The following NAV2 variants were observed in gnomAD, a reference collection of about 807,000 sequenced individuals.
NAV2 encodes the protein neuron navigator 2, also known as helicase, APC down-regulated 1.
A neutral mutation model predicts 223.2 loss-of-function variants in NAV2; 54 were observed. The ratio of observed to expected loss-of-function variants is 0.24; its 90% CI spans 0.19 to 0.30. NAV2 has a LOEUF of 0.30. NAV2 is among the 10% of genes least tolerant of loss of function. The probability of loss-of-function intolerance (pLI) is 1.00; values close to 1 mark genes in which losing one functional copy is unlikely to be tolerated. For missense variants in NAV2, 2,806 were observed against 3,147.5 expected, an observed-to-expected ratio of 0.89 and a Z score of 2.60; for synonymous variants, 1,279 against 1,239.3, an observed-to-expected ratio of 1.03 and a Z score of -0.67.
At chr11:19,960,589 T>TTTTATTTA (rs5790101) in intron 10 of NAV2, among the ~76,000 whole-genome samples, 13,369 of 141,558 alleles carry the variant, frequency 0.094, 745 homozygotes, top group African/African-American at 0.13. Context: ...TTTTTTAAAA[T>TTTTATTTA]TTTATTTATT....
At chr11:19,604,362 G>C (rs2046428483) in intron 1 of NAV2, among the ~76,000 whole-genome samples, 1 of 152,060 alleles carries the variant, frequency 6.6e-6, no homozygotes, top group African/African-American at 2.4e-5. Flanking sequence ...TCAAATTAGA[G>C]TTGATAGGAT....
intron 1 of NAV2, among the ~76,000 whole-genome samples, chr11:19,816,657 G>A (rs763840970): frequency 6.6e-6 from 1 of 152,198 alleles, no homozygotes; most frequent in South Asian, 2.1e-4. Flanking sequence ...ATTCAGGGAA[G>A]TTTATGGCTA....
chr11:20,097,298 G>A (rs541666642), intron 30 of NAV2, among the ~76,000 whole-genome samples: 3 of 152,232 alleles, frequency 2.0e-5, no homozygotes, highest in South Asian at 2.1e-4. Flanking sequence ...TAGCTTTTCC[G>A]TGCTTGGTTC....
intron 30 of NAV2, 80 bp downstream of exon 30, chr11:20,095,847 T>C (rs2061225369): frequency 1.9e-6 from 2 of 1,044,226 alleles, no homozygotes; most frequent in African/African-American, 1.6e-5. Context: ...GAGGTTGATG[T>C]CCTGAGCTTG....
chr11:19,897,752 A>G (rs1161649745), intron 6 of NAV2, among the ~76,000 whole-genome samples: 2 of 151,938 alleles, frequency 1.3e-5, no homozygotes, highest in Non-Finnish European at 2.9e-5. Context: ...TTTGGAGGAA[A>G]GTCTGCAGAA....
At chr11:19,654,169 G>C (rs1034649762) in intron 1 of NAV2, among the ~76,000 whole-genome samples, 1 of 152,110 alleles carries the variant, frequency 6.6e-6, no homozygotes. Context: ...AAATACCTAG[G>C]AATCCAACTT....
intron 4 of NAV2, among the ~76,000 whole-genome samples, chr11:19,873,126 G>A (rs1354198561): frequency 6.6e-6 from 1 of 152,204 alleles, no homozygotes; most frequent in South Asian, 2.1e-4. Context: ...GGAGGTTGGG[G>A]AGTAAGGCAT....
intron 6 of NAV2, among the ~76,000 whole-genome samples, chr11:19,916,675 G>C (rs2043835479): frequency 6.6e-6 from 1 of 152,244 alleles, no homozygotes; most frequent in African/African-American, 2.4e-5. Flanking sequence ...TCTGGAGCAA[G>C]GGATAGCAGA....
intron 1 of NAV2, among the ~76,000 whole-genome samples, chr11:19,729,321 T>G (rs2051531747): frequency 6.6e-6 from 1 of 152,116 alleles, no homozygotes; most frequent in Non-Finnish European, 1.5e-5. Context: ...TTTGGTCTGA[T>G]GAACAGACGG....
chr11:19,628,516 C>G (rs143151392), intron 1 of NAV2, among the ~76,000 whole-genome samples: 1 of 152,280 alleles, frequency 6.6e-6, no homozygotes, highest in Non-Finnish European at 1.5e-5. Flanking sequence ...GATATATATT[C>G]GAAAGCCTCT....
In NAV2 at chr11:19,527,675, A is replaced by C. The variant is rs916603175; in HGVS notation, c.75+176648A>C. On this transcript the variant is annotated intron_variant, in intron 1 of 37. Transcript: ENST00000360655. ...CATCCAGCACTCTCTTGAATTTATC[A>C]GATGCCAATCATGAACTTCTGCAGC... Among the ~76,000 whole-genome samples, 8 of 145,806 alleles carry C rather than the reference A, an allele frequency of 5.5e-5. No homozygotes were observed. In the East Asian group the frequency reaches 1.6e-3, roughly 29 times the overall value.
intron 1 of NAV2, among the ~76,000 whole-genome samples, chr11:19,478,941 G>T (rs2042201233): frequency 6.6e-6 from 1 of 152,200 alleles, no homozygotes; most frequent in Admixed American, 6.5e-5. Context: ...ACACGAGACA[G>T]GTGCACATTT....
intron 10 of NAV2, among the ~76,000 whole-genome samples, chr11:19,976,288 C>T (rs1210432611): frequency 6.6e-6 from 1 of 152,116 alleles, no homozygotes; most frequent in Non-Finnish European, 1.5e-5. Context: ...GAAACTACTG[C>T]TCCATGGCCC....
At chr11:19,667,964 T>C (rs2048462543) in intron 1 of NAV2, among the ~76,000 whole-genome samples, 1 of 152,214 alleles carries the variant, frequency 6.6e-6, no homozygotes. Flanking sequence ...CCACTGCCCT[T>C]ATACTTCTAA....
At chr11:19,775,318 A>G (rs559794779) in intron 1 of NAV2, among the ~76,000 whole-genome samples, 1 of 152,296 alleles carries the variant, frequency 6.6e-6, no homozygotes, top group African/African-American at 2.4e-5. Context: ...TTCTTCAGAA[A>G]TGTGTGTAGA....
intron 1 of NAV2, among the ~76,000 whole-genome samples, chr11:19,478,755 C>G (rs893985605): frequency 2.6e-5 from 4 of 152,208 alleles, no homozygotes; most frequent in Admixed American, 1.3e-4. Context: ...TCCACTTTCT[C>G]CTGGCTTCCA....
intron 11 of NAV2, among the ~76,000 whole-genome samples, chr11:20,026,441 G>A (rs949840460): frequency 3.9e-5 from 6 of 152,026 alleles, no homozygotes; most frequent in African/African-American, 1.5e-4. Flanking sequence ...CTCCCGAGTA[G>A]CTAGGACTAC....
At position 19,914,791 on chromosome 11, in the gene NAV2, G is replaced by A. The variant is rs1410162017; in HGVS notation, c.932-18385G>A. ...GATCTCCTGACCTCATGATCCACCC[G>A]CCTCGGCCTCCCAAAGTGCTGGGAT... On this transcript the variant is annotated intron_variant, in intron 6 of 37. Transcript: ENST00000349880. Among the ~76,000 whole-genome samples the A allele has an allele frequency of 3.9e-5, 6 of 151,974 alleles. No individual in the cohort carries two copies. The East Asian group carries it at 7.7e-4, about 20-fold the overall frequency.
Position 19,945,205 on chromosome 11 carries a change from T to TTCCCTTCCCTTCC in NAV2, c.2147-1196_2147-1195insTCCCTTCCCTTCC, listed in dbSNP as rs1565615394. 1.5e-3 allele frequency among the ~76,000 whole-genome samples: 61 copies of TTCCCTTCCCTTCC among 40,350 alleles called. 1 individual carries two copies. The highest frequency in any genetic ancestry group is 2.2e-3 in the Non-Finnish European group (42 of 18,716). The allele number at this position is 40,350 out of a possible 152,430, so 26.5% of individuals were successfully genotyped here. A position where few individuals can be genotyped will look rare whatever the true frequency, so the allele number is the denominator to read the frequency against. On this transcript the variant is annotated intron_variant, in intron 8 of 37. Coordinates refer to ENST00000349880, the MANE Select transcript of NAV2 (RefSeq NM_145117.5). The stretch of plus-strand genomic sequence containing the variant: ...CCCTTCCCTTCCCTTCCCTTCCCTT[T>TTCCCTTCCCTTCC]CTTTCCTTTCCTTCCTTCTTTTCTT...
Sources: gnomAD v4.1 joint callset for allele counts (sites outside exome capture counted in the v4.1 genomes callset) on GRCh38, gnomAD v4.1.1 for gene constraint, MANE v1.5 for transcripts, NCBI Gene and HGNC (gene_info 2026-07-23, HGNC 2026-07-21) for gene names.